The following GEN1 variants were observed in gnomAD, a reference collection of about 807,000 sequenced individuals.
GEN1 encodes the protein GEN1 structure-specific endonuclease, also known as flap endonuclease GEN homolog 1.
Under a neutral mutation model 67.6 loss-of-function variants are expected in GEN1, and 64 were observed. The ratio of observed to expected loss-of-function variants is 0.95; its 90% CI spans 0.77 to 1.17. GEN1 has a LOEUF of 1.17. GEN1 is among the 50% of genes most tolerant of loss of function. The probability of loss-of-function intolerance (pLI) is 0.00; values close to 1 mark genes in which losing one functional copy is unlikely to be tolerated. For synonymous variants in GEN1, 371 were observed against 359.4 expected (o/e 1.03, Z -0.37); for missense variants, 1,058 against 1,048.3 (o/e 1.01, Z -0.13).
In GEN1 at chr2:17,788,818, G is replaced by A. The variant is rs1269198617; in HGVS notation, c.*6879G>A. 1 of 152,208 alleles carries A rather than the reference G, an allele frequency of 6.6e-6. No homozygotes were observed. The highest frequency in any genetic ancestry group is 2.4e-5 in the African/African-American group (1 of 41,454). 9.4% of individuals were successfully genotyped at this position (152,208 alleles called of 1,614,324 possible). On this transcript the variant is annotated 3_prime_UTR_variant, in exon 14 of 14. Transcript: ENST00000381254. The stretch of plus-strand genomic sequence containing the variant: ...CAGAAAGTGATTTATGAAACACCCA[G>A]GTGAGGGGAGACTACAAGTCCCTTT...
chr2:17,759,994 C>A lies in GEN1; in HGVS notation c.51C>A (p.Ile17=). 6.2e-7 allele frequency: 1 copy of A among 1,613,984 alleles called. No individual in the cohort carries two copies. The highest frequency in any genetic ancestry group is 8.5e-7 in the Non-Finnish European group (1 of 1,179,976). ...TTTTGGAGCCTGTTAAGCAACACATCCCCTTGCGTAATCTTGGTGGGAAAA... is the reference window on the plus strand; with the variant it reads ...TTTTGGAGCCTGTTAAGCAACACATACCCTTGCGTAATCTTGGTGGGAAAA... The part of the protein sequence containing the change: ...WQILEPVKQH[I]PLRNLGGKTI... The change falls in exon 2 of 14, where the codon ATC becomes ATA. Residue 17 remains isoleucine (I), a synonymous_variant. Transcript: ENST00000381254.
chr2:17,780,703 T>A lies in GEN1; in HGVS notation c.1491T>A (p.Cys497Ter). ...CACACATGACTTTAAAACCCACATG[T>A]GAAATCTTTCATAAGCAGAATTCCA... The part of the protein sequence containing the change: ...FQSHMTLKPT[C>*]EIFHKQNSKL... Residue 497 changes from cysteine (C) to a stop codon, truncating the protein, a stop_gained, in exon 14 of 14, where the codon TGT becomes TGA. Coordinates refer to ENST00000381254, the MANE Select transcript of GEN1 (RefSeq NM_001130009.3). LOFTEE classifies it low-confidence loss of function (END_TRUNC). The A allele has an allele frequency of 6.2e-7, 1 of 1,613,964 alleles. No homozygotes were observed. Among genetic ancestry groups the A allele is most frequent in the Non-Finnish European group, 8.5e-7 (1 of 1,179,896 alleles).
upstream of GEN1, chr2:17,753,779 C>G (rs1220911645): frequency 6.6e-6 from 1 of 152,096 alleles, no homozygotes; most frequent in Admixed American, 6.5e-5. Flanking sequence ...GGTAGATTCC[C>G]GGGAGCCCCG....
Position 17,778,382 on chromosome 2 carries a change from A to ATG in GEN1, c.1264+325_1264+326dup, listed in dbSNP as rs1395938868. ...CATATATGTATATACACACACATATATGTGTGTACATATATGTATATACAC... is the reference window on the plus strand; with the variant it reads ...CATATATGTATATACACACACATATATGTGTGTGTACATATATGTATATACAC... On this transcript the variant is annotated intron_variant, in intron 12 of 13. Transcript: ENST00000381254. Among the ~76,000 whole-genome samples the ATG allele has an allele frequency of 9.6e-4, 37 of 38,388 alleles. 6 individuals are homozygous for ATG. The highest frequency in any genetic ancestry group is 2.9e-3 in the African/African-American group (35 of 12,252). 25.2% of individuals were successfully genotyped at this position (38,388 alleles called of 152,430 possible). A position where few individuals can be genotyped will look rare whatever the true frequency, so the allele number is the denominator to read the frequency against.
At position 17,781,791 on chromosome 2, in the gene GEN1, C is replaced by G. The variant is rs779266008; in HGVS notation, c.2579C>G (p.Ala860Gly). 2 of 1,612,594 alleles carry G rather than the reference C, an allele frequency of 1.2e-6. No individual in the cohort carries two copies. The highest frequency in any genetic ancestry group is 4.5e-5 in the East Asian group (2 of 44,838). ...CAGTGTGTCAGATCTTATGAAACAGCTGAAAATGAAGAAAGCTGTTTCCCA... is the reference window on the plus strand; with the variant it reads ...CAGTGTGTCAGATCTTATGAAACAGGTGAAAATGAAGAAAGCTGTTTCCCA... ...TEQCVRSYET[A>G]ENEESCFPDS... The change falls in exon 14 of 14, where the codon GCT (alanine) becomes GGT (glycine). Residue 860 changes from alanine (A) to glycine (G), a missense_variant. Coordinates refer to ENST00000381254, the MANE Select transcript of GEN1 (RefSeq NM_001130009.3).
rs980153619 is a variant in GEN1, at chr2:17,780,599, T to C, written c.1409-22T>C. ...AAGCAAAGAAAATAAATGTTGATTA[T>C]ATGTATTTTTTTTCTTTTCAGGTAT... On this transcript the variant is annotated intron_variant, in intron 13 of 13. Coordinates refer to ENST00000381254, the MANE Select transcript of GEN1 (RefSeq NM_001130009.3). 16 of 1,385,954 alleles carry C rather than the reference T, an allele frequency of 1.2e-5. No individual in the cohort carries two copies. In the Admixed American group the frequency reaches 3.6e-4, roughly 32 times the overall value. 85.9% of individuals were successfully genotyped at this position (1,385,954 alleles called of 1,614,324 possible).
intron 4 of GEN1, among the ~76,000 whole-genome samples, chr2:17,765,439 A>G (rs1243985325): frequency 6.6e-6 from 1 of 152,240 alleles, no homozygotes; most frequent in Admixed American, 6.5e-5. Context: ...TCAATGTAGC[A>G]TTGTTAATAA....
Position 17,780,670 on chromosome 2 carries a change from C to T in GEN1, c.1458C>T (p.Ser486=). Residue 486 remains serine, a synonymous_variant, in exon 14 of 14, where the codon AGC becomes AGT. Coordinates refer to ENST00000381254, the MANE Select transcript of GEN1 (RefSeq NM_001130009.3). ...TGCCAGAACCAGATGAAGTAATGAG[C>T]TTTCAGTCACACATGACTTTAAAAC... ...NNLPEPDEVM[S]FQSHMTLKPT... 1 of 1,611,280 alleles carries T rather than the reference C, an allele frequency of 6.2e-7. No homozygotes were observed. Among genetic ancestry groups the T allele is most frequent in the Non-Finnish European group, 8.5e-7 (1 of 1,178,690 alleles).
Position 17,764,912 on chromosome 2 carries a change from G to A in GEN1, c.364G>A (p.Glu122Lys), listed in dbSNP as rs201084834. 29 of 1,613,486 alleles carry A rather than the reference G, an allele frequency of 1.8e-5. No homozygotes were observed. The highest frequency in any genetic ancestry group is 4.4e-5 in the South Asian group (4 of 90,960). ...TTGTTTTCAGTGCCTCCATATGCTCGAATGCTTAGGAATCCCCTGGGTTCA... is the reference window on the plus strand; with the variant it reads ...TTGTTTTCAGTGCCTCCATATGCTCAAATGCTTAGGAATCCCCTGGGTTCA... ...SVLRECLHML[E>K]CLGIPWVQAA... is the part of the protein sequence containing the mutation. Residue 122 changes from glutamate (E) to lysine (K), a missense_variant, in exon 4 of 14, where the codon GAA becomes AAA. Coordinates refer to ENST00000381254, the MANE Select transcript of GEN1 (RefSeq NM_001130009.3).
chr2:17,777,843 A>G (rs560347404), intron 11 of GEN1, among the ~76,000 whole-genome samples, 159 bp from the exon 12 acceptor site: 3 of 152,164 alleles, frequency 2.0e-5, no homozygotes, highest in South Asian at 2.1e-4. Context: ...GTACCTAACA[A>G]TATTATCTTT....
In GEN1 at chr2:17,778,319, CACACGTGTACAT is replaced by C. The variant is rs1558409333; in HGVS notation, c.1264+258_1264+269del. ...GTGTGTACATATATGTATATACACACACACGTGTACATATATGTATACACACACATGTGTGTA... is the reference window on the plus strand; with the variant it reads ...GTGTGTACATATATGTATATACACACATATGTATACACACACATGTGTGTA... On this transcript the variant is annotated intron_variant, in intron 12 of 13. Coordinates refer to ENST00000381254, the MANE Select transcript of GEN1 (RefSeq NM_001130009.3). Among the ~76,000 whole-genome samples, 30 of 46,360 alleles carry C rather than the reference CACACGTGTACAT, an allele frequency of 6.5e-4. 2 individuals are homozygous for C. Among genetic ancestry groups the C allele is most frequent in the African/African-American group, 2.1e-3 (30 of 14,382 alleles). The allele number at this position is 46,360 out of a possible 152,430, so 30.4% of individuals were successfully genotyped here. A position where few individuals can be genotyped will look rare whatever the true frequency, so the allele number is the denominator to read the frequency against.
At position 17,757,478 on chromosome 2, in the gene GEN1, C is replaced by A. The variant is rs979549010; in HGVS notation, c.-15-2451C>A. On this transcript the variant is annotated intron_variant, in intron 1 of 13. Coordinates refer to ENST00000381254, the MANE Select transcript of GEN1 (RefSeq NM_001130009.3). ...TGTTTATGTGTGCCATCATAAACAT[C>A]ACTGCACTAGGTGGCAATCTTCACT... Among the ~76,000 whole-genome samples, 4 of 151,926 alleles carry A rather than the reference C, an allele frequency of 2.6e-5. 1 individual carries two copies. In the South Asian group the frequency reaches 8.3e-4, roughly 32 times the overall value.
chr2:17,770,784 C>G (rs1450807014), intron 6 of GEN1, among the ~76,000 whole-genome samples: 2 of 151,780 alleles, frequency 1.3e-5, no homozygotes, highest in Non-Finnish European at 2.9e-5. Context: ...CTTTACTCTT[C>G]TTTCTGATAT....
At chr2:17,778,469 TAC>T (rs1185645835) in intron 12 of GEN1, among the ~76,000 whole-genome samples, 1 of 147,886 alleles carries the variant, frequency 6.8e-6, no homozygotes, top group Non-Finnish European at 1.5e-5. Context: ...TATATGTATA[TAC>T]ACACACAGCA....
intron 2 of GEN1, among the ~76,000 whole-genome samples, chr2:17,760,723 C>T (rs2125120613): frequency 6.6e-6 from 1 of 152,072 alleles, no homozygotes; most frequent in Non-Finnish European, 1.5e-5. Context: ...AGTTTGAGAC[C>T]AGCCTGGCCA....
At chr2:17,761,354 C>T (rs764543952) in intron 2 of GEN1, 42 bp from the exon 3 acceptor site, 2 of 1,072,232 alleles carry the variant, frequency 1.9e-6, no homozygotes, top group Admixed American at 2.2e-5. Flanking sequence ...CTTTTACTAT[C>T]AGTGTTTGAT....
At chr2:17,778,171 T>C (rs1572416872) in intron 12 of GEN1, 108 bp downstream of exon 12, 6 of 443,446 alleles carry the variant, frequency 1.4e-5, no homozygotes, top group African/African-American at 5.3e-5. Context: ...CACATAGATA[T>C]GTGTATATAT....
In GEN1 at chr2:17,788,518, T is replaced by C. The variant is rs1446339252; in HGVS notation, c.*6579T>C. ...TTTTGCTAATGTTTAGAAGAATTCCTTTTGTAAGCATCAAAGAAGAACTTT... is the reference window on the plus strand; with the variant it reads ...TTTTGCTAATGTTTAGAAGAATTCCCTTTGTAAGCATCAAAGAAGAACTTT... On this transcript the variant is annotated 3_prime_UTR_variant, in exon 14 of 14. Coordinates refer to ENST00000381254, the MANE Select transcript of GEN1 (RefSeq NM_001130009.3). 2 of 152,242 alleles carry C rather than the reference T, an allele frequency of 1.3e-5. No individual in the cohort carries two copies. The highest frequency in any genetic ancestry group is 4.8e-5 in the African/African-American group (2 of 41,466). The allele number at this position is 152,242 out of a possible 1,614,324, so 9.4% of individuals were successfully genotyped here. A position where few individuals can be genotyped will look rare whatever the true frequency, so the allele number is the denominator to read the frequency against.
intron 4 of GEN1, among the ~76,000 whole-genome samples, chr2:17,766,041 G>C (rs929184780): frequency 1.3e-5 from 2 of 151,574 alleles, no homozygotes; most frequent in Non-Finnish European, 2.9e-5. Context: ...GGAAAAAATT[G>C]GCTAGCATAG....
Sources: allele counts gnomAD v4.1 joint callset (sites outside exome capture counted in the v4.1 genomes callset), GRCh38; gene constraint gnomAD v4.1.1; transcripts MANE v1.5; gene names NCBI Gene and HGNC (gene_info 2026-07-23, HGNC 2026-07-21).